The following SUPT3H variants were observed in gnomAD, a reference collection of about 807,000 sequenced individuals.
SUPT3H encodes transcription initiation protein SPT3 homolog.
In SUPT3H, 44 loss-of-function variants were observed where a neutral mutation model predicts 44.3. The ratio of observed to expected loss-of-function variants is 0.99; its 90% CI spans 0.78 to 1.28. The LOEUF (loss-of-function observed/expected upper bound fraction) is 1.28, where lower values mean the gene tolerates loss of function less well. SUPT3H is among the 50% of genes most tolerant of loss of function. The pLI, the probability that SUPT3H is intolerant of heterozygous loss-of-function variation, is 0.00. For missense variants in SUPT3H, 380 were observed against 387.1 expected (o/e 0.98, Z 0.15); for synonymous variants, 124 against 125.6 (o/e 0.99, Z 0.09).
At chr6:44,837,949 G>A (rs773397706) in intron 10 of SUPT3H, among the ~76,000 whole-genome samples, 19 of 152,102 alleles carry the variant, frequency 1.2e-4, no homozygotes, top group Non-Finnish European at 2.4e-4. Flanking sequence ...GCCTTCCCCC[G>A]CCTTCTCAAT....
chr6:44,890,086 G>C (rs558107461), intron 10 of SUPT3H, among the ~76,000 whole-genome samples: 1 of 151,504 alleles, frequency 6.6e-6, no homozygotes, highest in African/African-American at 2.4e-5. Flanking sequence ...TTAGAATGGC[G>C]ATCATTAAAA....
At chr6:45,341,075 A>G (rs1353469520) in intron 2 of SUPT3H, among the ~76,000 whole-genome samples, 1 of 152,176 alleles carries the variant, frequency 6.6e-6, no homozygotes, top group Non-Finnish European at 1.5e-5. Flanking sequence ...TGTGCCTACC[A>G]AAAAAATACT....
chr6:44,928,902 AAAGAAAAGAAAAGAAACAAATCACC>A (rs1770048632), intron 10 of SUPT3H, among the ~76,000 whole-genome samples: 1 of 83,680 alleles, frequency 1.2e-5, no homozygotes, highest in Admixed American at 1.4e-4. Flanking sequence ...AAAAAAAAAA[AAAGAAAAGAAAAGAAACAAATCACC>A]AATGAAAACC....
chr6:45,269,934 T>C (rs1010144962), intron 2 of SUPT3H, among the ~76,000 whole-genome samples: 7 of 152,142 alleles, frequency 4.6e-5, no homozygotes, highest in Admixed American at 2.6e-4. Flanking sequence ...TCCTCTATCC[T>C]GACCCTACTC....
At chr6:44,904,028 T>C (rs1582387132) in intron 10 of SUPT3H, among the ~76,000 whole-genome samples, 1 of 152,124 alleles carries the variant, frequency 6.6e-6, no homozygotes, top group Non-Finnish European at 1.5e-5. Context: ...ATGGGATGCA[T>C]CTCAAAATAA....
At chr6:45,108,897 T>G (rs891698357) in intron 2 of SUPT3H, among the ~76,000 whole-genome samples, 4 of 152,124 alleles carry the variant, frequency 2.6e-5, no homozygotes, top group African/African-American at 4.8e-5. Context: ...GGTCCTTATA[T>G]GCAGATAATA....
intron 2 of SUPT3H, among the ~76,000 whole-genome samples, chr6:45,148,370 A>G (rs528491568): frequency 1.6e-4 from 25 of 152,272 alleles, no homozygotes; most frequent in African/African-American, 6.0e-4. Flanking sequence ...AGATGGTACA[A>G]TCAGTTCTGC....
intron 2 of SUPT3H, among the ~76,000 whole-genome samples, chr6:45,116,738 A>G (rs1048908005): frequency 6.6e-6 from 1 of 152,156 alleles, no homozygotes; most frequent in African/African-American, 2.4e-5. Context: ...TATCATTTAC[A>G]TACCATAAAA....
chr6:45,265,154 T>A (rs932516748), intron 2 of SUPT3H, among the ~76,000 whole-genome samples: 1 of 152,146 alleles, frequency 6.6e-6, no homozygotes, highest in Non-Finnish European at 1.5e-5. Context: ...ATGAAATACA[T>A]ACAATAGAAA....
At chr6:45,376,940 TTAACA>T (rs1332267531) in intron 1 of SUPT3H, among the ~76,000 whole-genome samples, 1 of 152,062 alleles carries the variant, frequency 6.6e-6, no homozygotes, top group Non-Finnish European at 1.5e-5. Context: ...CCGAAATAAC[TTAACA>T]TTTCTATTAG....
chr6:45,061,898 T>G (rs1228279778), intron 3 of SUPT3H, among the ~76,000 whole-genome samples: 2 of 148,618 alleles, frequency 1.3e-5, no homozygotes, highest in East Asian at 3.9e-4. Context: ...AAGCTGTTTT[T>G]TTTTTTTTTT....
At chr6:45,011,618 A>C (rs1783499407) in intron 5 of SUPT3H, among the ~76,000 whole-genome samples, 1 of 152,044 alleles carries the variant, frequency 6.6e-6, no homozygotes, top group South Asian at 2.1e-4. Flanking sequence ...TTTTATATAC[A>C]TAGTGTTTTA....
intron 3 of SUPT3H, among the ~76,000 whole-genome samples, chr6:45,053,569 C>T (rs1293359272): frequency 6.6e-6 from 1 of 151,588 alleles, no homozygotes; most frequent in African/African-American, 2.4e-5. Context: ...TTCTCCTTCA[C>T]CCTTCATCCC....
At chr6:45,149,764 A>T (rs1389610558) in intron 2 of SUPT3H, among the ~76,000 whole-genome samples, 2 of 151,978 alleles carry the variant, frequency 1.3e-5, no homozygotes, top group Non-Finnish European at 2.9e-5. Flanking sequence ...AAAAAACTTT[A>T]AAAAAAATTC....
intron 2 of SUPT3H, among the ~76,000 whole-genome samples, chr6:45,274,925 T>G (rs1776762627): frequency 6.6e-6 from 1 of 152,210 alleles, no homozygotes; most frequent in Non-Finnish European, 1.5e-5. Flanking sequence ...AATTTTTGTA[T>G]GTATCTATTG....
At chr6:45,178,474 T>G (rs2153611677) in intron 2 of SUPT3H, among the ~76,000 whole-genome samples, 1 of 151,962 alleles carries the variant, frequency 6.6e-6, no homozygotes, top group South Asian at 2.1e-4. Flanking sequence ...TGGGAGACTT[T>G]AACACCCCAC....
rs148544271 is a variant in SUPT3H at position 45,114,311 on chromosome 6, G to A, written c.102-8305C>T. Among the ~76,000 whole-genome samples the A allele has an allele frequency of 1.6e-3, 250 of 152,008 alleles. 3 individuals carry two copies. The highest frequency in any genetic ancestry group is 5.9e-3 in the African/African-American group (244 of 41,500). On this transcript the variant is annotated intron_variant, in intron 2 of 10. Transcript: ENST00000371459. ...TCAAGTTTACATTCCGATGAGGAAAGGACAATAAACAATATAACTAATGAA... is the reference window on the plus strand; with the variant it reads ...TCAAGTTTACATTCCGATGAGGAAAAGACAATAAACAATATAACTAATGAA...
At chr6:44,988,545 T>G (rs1005384792) in intron 6 of SUPT3H, among the ~76,000 whole-genome samples, 6 of 137,242 alleles carry the variant, frequency 4.4e-5, no homozygotes, top group African/African-American at 1.4e-4. Flanking sequence ...AAAAAAAAAT[T>G]TATGGGCTAC....
intron 9 of SUPT3H, among the ~76,000 whole-genome samples, chr6:44,947,514 T>C (rs1466895441): frequency 6.6e-6 from 1 of 152,222 alleles, no homozygotes; most frequent in Non-Finnish European, 1.5e-5. Context: ...ATGTAAGCAG[T>C]CAGCCTAATT....
Sources: gnomAD v4.1 joint callset for allele counts (sites outside exome capture counted in the v4.1 genomes callset) on GRCh38, gnomAD v4.1.1 for gene constraint, MANE v1.5 for transcripts, NCBI Gene and HGNC (gene_info 2026-07-23, HGNC 2026-07-21) for gene names.